ARHGAP45: variants seen among roughly 807,000 people sequenced by gnomAD.
ARHGAP45 encodes the protein rho GTPase-activating protein 45.
In ARHGAP45, 56 loss-of-function variants were observed where a neutral mutation model predicts 116.1. The ratio of observed to expected loss-of-function variants is 0.48; its 90% CI spans 0.39 to 0.60. ARHGAP45 has a LOEUF of 0.60. Ranked by LOEUF, ARHGAP45 falls within the 20% of genes least tolerant of loss-of-function variation. The probability of loss-of-function intolerance (pLI) is 0.00; values close to 1 mark genes in which losing one functional copy is unlikely to be tolerated. For synonymous variants in ARHGAP45, 866 were observed against 701.7 expected (o/e 1.23, Z -3.70); for missense variants, 1,622 against 1,601.0 (o/e 1.01, Z -0.22).
In ARHGAP45 at chr19:1,069,227, G is replaced by A. The variant is rs2043094723; in HGVS notation, c.421+483G>A. ...TGAGGTCTGGGTGGAGAGAGATTCAGGAGGCATGGCGAGGGGCAGGATGGG... is the reference window on the plus strand; with the variant it reads ...TGAGGTCTGGGTGGAGAGAGATTCAAGAGGCATGGCGAGGGGCAGGATGGG... On this transcript the variant is annotated intron_variant, in intron 2 of 22. Transcript: ENST00000313093. This position sits in a 1 kb window ranked among gnomAD's most constrained non-coding sequence, Gnocchi z 4.1. Among the ~76,000 whole-genome samples, 1 of 152,164 alleles carries A rather than the reference G, an allele frequency of 6.6e-6. No individual in the cohort carries two copies. Among genetic ancestry groups the A allele is most frequent in the Non-Finnish European group, 1.5e-5 (1 of 68,030 alleles).
intron 8 of ARHGAP45, 80 bp from the exon 9 acceptor site, chr19:1,074,534 C>T: frequency 7.0e-7 from 1 of 1,423,334 alleles, no homozygotes; most frequent in South Asian, 1.4e-5. Context: ...CTGCAGGGAC[C>T]AGGGAGCTGG....
intron 17 of ARHGAP45, chr19:1,081,299 T>A: frequency 1.6e-6 from 1 of 641,094 alleles, no homozygotes; most frequent in Non-Finnish European, 2.6e-6. Flanking sequence ...GTCCTGGGGC[T>A]GTGGCCAGAA....
intron 13 of ARHGAP45, 62 bp downstream of exon 13, chr19:1,080,180 C>T: frequency 6.2e-7 from 1 of 1,610,250 alleles, no homozygotes; most frequent in Non-Finnish European, 8.5e-7. Flanking sequence ...CCGGGCTTCC[C>T]TCTGTCGGGG....
chr19:1,083,952 G>A (rs1177454973), intron 21 of ARHGAP45, among the ~76,000 whole-genome samples: 3 of 152,154 alleles, frequency 2.0e-5, no homozygotes, highest in African/African-American at 4.8e-5. Flanking sequence ...TGTTGGCCAG[G>A]CTGGTCTCGA....
chr19:1,080,897 C>A lies in ARHGAP45; in HGVS notation c.2023C>A (p.Leu675Ile), dbSNP rs377173699. The A allele has an allele frequency of 3.3e-4, 525 of 1,608,238 alleles. No individual in the cohort carries two copies. Among genetic ancestry groups the A allele is most frequent in the South Asian group, 2.5e-3 (231 of 90,720 alleles). Reference sequence around the variant, plus strand: ...GCTGCCTGTGCTGCCCGCAGCTGACCTCAACGGCATGACCCCCGAGCTGCC... The same window carrying A: ...GCTGCCTGTGCTGCCCGCAGCTGACATCAACGGCATGACCCCCGAGCTGCC... Reference protein sequence around the residue: ...AGASAFEQADLNGMTPELPVA... With the variant: ...AGASAFEQADINGMTPELPVA... The change falls in exon 17 of 23, where the codon CTC (leucine) becomes ATC (isoleucine). Residue 675 changes from leucine (L) to isoleucine (I), a missense_variant. This residue lies in a region of ARHGAP45 where 1,334 missense variants were observed against 1,263.8 expected (regional missense o/e 1.06). Coordinates refer to ENST00000313093, the MANE Select transcript of ARHGAP45 (RefSeq NM_012292.5).
intron 22 of ARHGAP45, 87 bp from the exon 23 acceptor site, chr19:1,085,573 C>G (rs984456400): frequency 6.9e-6 from 6 of 874,508 alleles, no homozygotes; most frequent in East Asian, 5.6e-5. Flanking sequence ...TCTCCTGTCT[C>G]TCCCCATCTC....
At chr19:1,077,775 G>A in intron 10 of ARHGAP45, 82 bp from the exon 11 acceptor site, 8 of 1,545,336 alleles carry the variant, frequency 5.2e-6, no homozygotes, top group South Asian at 1.2e-5. Flanking sequence ...AGATGGGGGT[G>A]GGGAGGAAAG....
In ARHGAP45 at chr19:1,082,832, C is replaced by G. The variant is rs770567137; in HGVS notation, c.2518-8C>G. 1 of 1,486,936 alleles carries G rather than the reference C, an allele frequency of 6.7e-7. No homozygotes were observed. Among genetic ancestry groups the G allele is most frequent in the South Asian group, 1.4e-5 (1 of 71,948 alleles). 92.1% of individuals were successfully genotyped at this position (1,486,936 alleles called of 1,614,324 possible). On this transcript the variant is annotated splice_polypyrimidine_tract_variant and splice_region_variant and intron_variant, in intron 19 of 22. Transcript: ENST00000313093. The stretch of plus-strand genomic sequence containing the variant: ...CACCAACACCTGCTGACCCTTGACT[C>G]TGCGCAGCTTCCCGAGCCGCTCATC...
chr19:1,080,673 C>G lies in ARHGAP45; in HGVS notation c.1913-9C>G. 6.2e-7 allele frequency: 1 copy of G among 1,612,670 alleles called. No homozygotes were observed. The highest frequency in any genetic ancestry group is 1.1e-5 in the South Asian group (1 of 91,064). On this transcript the variant is annotated splice_polypyrimidine_tract_variant and intron_variant, in intron 15 of 22. Transcript: ENST00000313093. Reference sequence around the variant, plus strand: ...TGGGGGAGTCTGAACAGTCCTGATTCCCGCCCAGGGGACTTTAAGAAGTTC... The same window carrying G: ...TGGGGGAGTCTGAACAGTCCTGATTGCCGCCCAGGGGACTTTAAGAAGTTC...
rs2043542033 is a variant in ARHGAP45 at position 1,084,477 on chromosome 19, C to T, written c.3064+131C>T. 4.6e-6 allele frequency: 3 copies of T among 646,236 alleles called. No individual in the cohort carries two copies. In the Admixed American group the frequency reaches 9.4e-5, roughly 20 times the overall value. 40.0% of individuals were successfully genotyped at this position (646,236 alleles called of 1,614,324 possible). ...TGCACATTCTGTGGATTTCGTCTGC[C>T]ACGGAGACCACACCTATGAGCTACT... On this transcript the variant is annotated intron_variant, in intron 22 of 22. Coordinates refer to ENST00000313093, the MANE Select transcript of ARHGAP45 (RefSeq NM_012292.5).
chr19:1,068,293 T>C lies in ARHGAP45; in HGVS notation c.91-121T>C. The stretch of plus-strand genomic sequence containing the variant: ...ATCTCGGCCCTGTGACCTCTGGCCT[T>C]TGACCCCTGTGGGGTCAGGGTGATG... On this transcript the variant is annotated intron_variant, in intron 1 of 22. Coordinates refer to ENST00000313093, the MANE Select transcript of ARHGAP45 (RefSeq NM_012292.5). This position sits in a 1 kb window ranked among gnomAD's most constrained non-coding sequence, Gnocchi z 7.5. 1 of 840,574 alleles carries C rather than the reference T, an allele frequency of 1.2e-6. No homozygotes were observed. Among genetic ancestry groups the C allele is most frequent in the African/African-American group, 1.8e-5 (1 of 56,952 alleles). 52.1% of individuals were successfully genotyped at this position (840,574 alleles called of 1,614,324 possible).
In ARHGAP45 at chr19:1,074,249, C is replaced by G; in HGVS notation, c.928+8C>G. 1 of 1,612,614 alleles carries G rather than the reference C, an allele frequency of 6.2e-7. No homozygotes were observed. The highest frequency in any genetic ancestry group is 8.5e-7 in the Non-Finnish European group (1 of 1,179,678). On this transcript the variant is annotated splice_region_variant and intron_variant, in intron 7 of 22. Coordinates refer to ENST00000313093, the MANE Select transcript of ARHGAP45 (RefSeq NM_012292.5). ...AGAAGCGGACGACGCTGGGTGAGAG[C>G]TGGTGTCCCAGCAGGGTGGGTCTGG...
At chr19:1,084,134 AG>A (rs1270615995) in intron 21 of ARHGAP45, 103 bp from the exon 22 acceptor site, 17 of 1,063,628 alleles carry the variant, frequency 1.6e-5, no homozygotes, top group East Asian at 2.4e-5. Flanking sequence ...CCTGGGCAAC[AG>A]CGGGTGTCAG....
chr19:1,069,405 G>T lies in ARHGAP45; in HGVS notation c.421+661G>T, dbSNP rs1405215824. Among the ~76,000 whole-genome samples the T allele has an allele frequency of 1.3e-5, 2 of 152,208 alleles. No individual in the cohort carries two copies. The highest frequency in any genetic ancestry group is 2.9e-5 in the Non-Finnish European group (2 of 68,036). On this transcript the variant is annotated intron_variant, in intron 2 of 22. Transcript: ENST00000313093. The surrounding 1 kb of genome is among the most constrained non-coding windows in gnomAD (Gnocchi z 4.1). ...GGCAGCCCAGGCGGGCACCTCATGTGCTGCCTTCAGCCCCCGGCTCCTCCC... is the reference window on the plus strand; with the variant it reads ...GGCAGCCCAGGCGGGCACCTCATGTTCTGCCTTCAGCCCCCGGCTCCTCCC...
At position 1,080,892 on chromosome 19, in the gene ARHGAP45, C is replaced by G; in HGVS notation, c.2018C>G (p.Ala673Gly). ...CACCGGCTGCCTGTGCTGCCCGCAG[C>G]TGACCTCAACGGCATGACCCCCGAG... ...GGAGASAFEQ[A>G]DLNGMTPELP... Residue 673 changes from alanine to glycine, a missense_variant and splice_region_variant, in exon 17 of 23, where the codon GCT becomes GGT. Transcript: ENST00000313093. 6.2e-7 allele frequency: 1 copy of G among 1,607,730 alleles called. No individual in the cohort carries two copies. Among genetic ancestry groups the G allele is most frequent in the Non-Finnish European group, 8.5e-7 (1 of 1,177,106 alleles).
At chr19:1,067,827 G>A (rs1327252187) in intron 1 of ARHGAP45, among the ~76,000 whole-genome samples, 7 of 152,092 alleles carry the variant, frequency 4.6e-5, no homozygotes, top group Non-Finnish European at 1.0e-4. Flanking sequence ...GGCTCTAGGG[G>A]CCGTTGAGAT....
chr19:1,084,521 C>T (rs1019060114), intron 22 of ARHGAP45, among the ~76,000 whole-genome samples, 175 bp downstream of exon 22: 9 of 152,316 alleles, frequency 5.9e-5, no homozygotes, highest in Non-Finnish European at 8.8e-5. Flanking sequence ...GTCCTTTAAC[C>T]GGCTGCAAAA....
At chr19:1,067,063 C>A, upstream of ARHGAP45, 2 of 639,924 alleles carry the variant, frequency 3.1e-6, no homozygotes, top group South Asian at 1.4e-4. Context: ...GGCAGGGGCT[C>A]CCGGTCCCAC....
rs753486530 is a variant in ARHGAP45 at position 1,083,179 on chromosome 19, C to T, written c.2781C>T (p.Pro927=). ...VEVEQDNKMT[P]GNLGIVFGPT... Reference sequence around the variant, plus strand: ...TGGAGCAGGACAACAAGATGACCCCCGGGAACCTGGGCATCGTGTTCGGGC... The same window carrying T: ...TGGAGCAGGACAACAAGATGACCCCTGGGAACCTGGGCATCGTGTTCGGGC... The change falls in exon 21 of 23, where the codon CCC becomes CCT. Residue 927 remains proline (P), a synonymous_variant. Transcript: ENST00000313093. 4.3e-6 allele frequency: 7 copies of T among 1,610,970 alleles called. No homozygotes were observed. The highest frequency in any genetic ancestry group is 2.2e-5 in the East Asian group (1 of 44,860).
Sources: allele counts gnomAD v4.1 joint callset (sites outside exome capture counted in the v4.1 genomes callset), GRCh38; gene constraint gnomAD v4.1.1; regional missense constraint gnomAD v4.1.1; non-coding constraint Gnocchi (gnomAD v3.1); transcripts MANE v1.5; gene names NCBI Gene and HGNC (gene_info 2026-07-23, HGNC 2026-07-21).